Variants in HTR1D observed in about 807,000 individuals in gnomAD.
The protein encoded by HTR1D is 5-hydroxytryptamine receptor 1D, also known as 5-HT-1D.
Under a neutral mutation model 21.1 loss-of-function variants are expected in HTR1D, and 18 were observed. The observed-to-expected ratio is 0.85, with a 90% CI of 0.59 to 1.27. HTR1D has a LOEUF of 1.27. Among genes scored for constraint, HTR1D ranks in the 50% most tolerant of loss-of-function variants. The probability of loss-of-function intolerance (pLI) is 0.00; values close to 1 mark genes in which losing one functional copy is unlikely to be tolerated. For missense variants in HTR1D, 456 were observed against 481.4 expected, an observed-to-expected ratio of 0.95 and a Z score of 0.49; for synonymous variants, 196 against 204.4, an observed-to-expected ratio of 0.96 and a Z score of 0.35.
chr1:23,198,888 G>A (rs1644699550), intron 1 of HTR1D, among the ~76,000 whole-genome samples: 1 of 152,136 alleles, frequency 6.6e-6, no homozygotes, highest in African/African-American at 2.4e-5. Flanking sequence ...ATCATAAAGG[G>A]TTTTAAAAGT....
chr1:23,205,353 T>C (rs1216238308), intron 1 of HTR1D, among the ~76,000 whole-genome samples: 2 of 152,110 alleles, frequency 1.3e-5, no homozygotes. Flanking sequence ...AACTTATTCA[T>C]GTAACCAAAT....
In HTR1D at chr1:23,193,196, T is replaced by A. The variant is rs748329461; in HGVS notation, c.1024A>T (p.Thr342Ser). Residue 342 changes from threonine (T) to serine (S), a missense_variant, in exon 2 of 2, where the codon ACC becomes TCC. By Grantham distance (58) the Thr-to-Ser change is moderately conservative. Coordinates refer to ENST00000374619, the MANE Select transcript of HTR1D (RefSeq NM_000864.5). ...WIHPALFDFFTWLGYLNSLIN... is the reference protein window; with the variant it reads ...WIHPALFDFFSWLGYLNSLIN... The stretch of plus-strand genomic sequence containing the variant: ...AGGGAGTTTAAATAGCCTAGCCAGG[T>A]GAAGAAGTCAAAGAGCGCCGGGTGG... 1 of 1,613,908 alleles carries A rather than the reference T, an allele frequency of 6.2e-7. No homozygotes were observed.
At chr1:23,209,782 C>T (rs962255650) in intron 1 of HTR1D, among the ~76,000 whole-genome samples, 2 of 152,078 alleles carry the variant, frequency 1.3e-5, no homozygotes, top group African/African-American at 2.4e-5. Context: ...TGGGCTTGCC[C>T]GACTCCATGC....
In HTR1D at chr1:23,193,580, T is replaced by C. The variant is rs745440567; in HGVS notation, c.640A>G (p.Ile214Val). ...GAFYIPSVLL[I>V]ILYGRIYRAA... ...CGGTAGATCCGGCCATATAGGATGA[T>C]GAGCAACACCGAGGGAATGTAGAAG... is the stretch of plus-strand genomic sequence containing the variant. The change falls in exon 2 of 2, where the codon ATC (isoleucine) becomes GTC (valine). Residue 214 changes from isoleucine (I) to valine (V), a missense_variant. Physicochemically the swap from Ile to Val is conservative, Grantham distance 29 (BLOSUM62 3). Coordinates refer to ENST00000374619, the MANE Select transcript of HTR1D (RefSeq NM_000864.5). 1 of 1,614,046 alleles carries C rather than the reference T, an allele frequency of 6.2e-7. No homozygotes were observed. The highest frequency in any genetic ancestry group is 1.3e-5 in the African/African-American group (1 of 75,040).
intron 1 of HTR1D, among the ~76,000 whole-genome samples, chr1:23,210,071 G>A (rs1209590145): frequency 6.6e-6 from 1 of 152,012 alleles, no homozygotes; most frequent in Non-Finnish European, 1.5e-5. Flanking sequence ...GATTCTGTGG[G>A]TCTGCAGGGT....
rs991959754 is a variant in HTR1D at position 23,217,370 on chromosome 1, C to T, written c.-862G>A. Among the ~76,000 whole-genome samples, 1 of 151,924 alleles carries T rather than the reference C, an allele frequency of 6.6e-6. No homozygotes were observed. Among genetic ancestry groups the T allele is most frequent in the Non-Finnish European group, 1.5e-5 (1 of 67,894 alleles). On this transcript the variant is annotated 5_prime_UTR_variant, in exon 1 of 2. Coordinates refer to ENST00000374619, the MANE Select transcript of HTR1D (RefSeq NM_000864.5). This position sits in a 1 kb window ranked among gnomAD's most constrained non-coding sequence, Gnocchi z 4.6. ...TCGCGCGGCGTCTCCCCGTCGCGGC[C>T]GCCTTGTCTCCGCCGCGACCCCCGC...
chr1:23,215,013 G>A (rs114087177), intron 1 of HTR1D, among the ~76,000 whole-genome samples: 5,218 of 152,172 alleles, frequency 0.034, 355 homozygotes, highest in Admixed American at 0.16. Flanking sequence ...GAATGAAGCC[G>A]CAAAAAGATG....
At chr1:23,207,678 C>G (rs1644737307) in intron 1 of HTR1D, among the ~76,000 whole-genome samples, 1 of 152,108 alleles carries the variant, frequency 6.6e-6, no homozygotes, top group Non-Finnish European at 1.5e-5. Flanking sequence ...TGCTTTCAGC[C>G]TTGCACTGGA....
chr1:23,217,370 C>G lies in HTR1D; in HGVS notation c.-862G>C, dbSNP rs991959754. Reference sequence around the variant, plus strand: ...TCGCGCGGCGTCTCCCCGTCGCGGCCGCCTTGTCTCCGCCGCGACCCCCGC... The same window carrying G: ...TCGCGCGGCGTCTCCCCGTCGCGGCGGCCTTGTCTCCGCCGCGACCCCCGC... On this transcript the variant is annotated 5_prime_UTR_variant, in exon 1 of 2. Transcript: ENST00000374619. The surrounding 1 kb of genome is among the most constrained non-coding windows in gnomAD (Gnocchi z 4.6). 4.6e-5 allele frequency among the ~76,000 whole-genome samples: 7 copies of G among 151,816 alleles called. No individual in the cohort carries two copies. The highest frequency in any genetic ancestry group is 1.0e-4 in the Non-Finnish European group (7 of 67,904).
At chr1:23,196,298 G>A (rs1370840713) in intron 1 of HTR1D, among the ~76,000 whole-genome samples, 1 of 152,038 alleles carries the variant, frequency 6.6e-6, no homozygotes. Flanking sequence ...AACAAAATTA[G>A]CCATGCGTGG....
chr1:23,199,995 C>T (rs1366430142), intron 1 of HTR1D, among the ~76,000 whole-genome samples: 1 of 152,104 alleles, frequency 6.6e-6, no homozygotes, highest in African/African-American at 2.4e-5. Context: ...CATGAGCCAC[C>T]GTGCTCGGTA....
chr1:23,211,293 A>G (rs537735635), intron 1 of HTR1D, among the ~76,000 whole-genome samples: 26 of 152,288 alleles, frequency 1.7e-4, no homozygotes, highest in Non-Finnish European at 3.4e-4. Context: ...AGGAGGACTT[A>G]CAATGGCCCT....
intron 1 of HTR1D, among the ~76,000 whole-genome samples, chr1:23,204,195 G>A (rs897603750): frequency 1.3e-5 from 2 of 151,354 alleles, no homozygotes; most frequent in African/African-American, 2.4e-5. Context: ...GCACAATCTC[G>A]GCTCACTGCA....
intron 1 of HTR1D, among the ~76,000 whole-genome samples, chr1:23,215,108 C>A (rs1164164948): frequency 6.6e-6 from 1 of 152,160 alleles, no homozygotes; most frequent in African/African-American, 2.4e-5. Context: ...GTGTCAACTG[C>A]TGCTGAGAGC....
In HTR1D at chr1:23,194,456, G is replaced by A. The variant is rs1002270388; in HGVS notation, c.-237C>T. On this transcript the variant is annotated 5_prime_UTR_variant, in exon 2 of 2. Coordinates refer to ENST00000374619, the MANE Select transcript of HTR1D (RefSeq NM_000864.5). ...AACAAGACCGGACTATTTGAAGAATGCTGAGACAACTACCAGCTGGTAGTT... is the reference window on the plus strand; with the variant it reads ...AACAAGACCGGACTATTTGAAGAATACTGAGACAACTACCAGCTGGTAGTT... The A allele has an allele frequency of 7.2e-6, 2 of 279,596 alleles. No homozygotes were observed. The highest frequency in any genetic ancestry group is 4.5e-5 in the African/African-American group (2 of 44,866). The allele number at this position is 279,596 out of a possible 1,614,324, so 17.3% of individuals were successfully genotyped here. A position where few individuals can be genotyped will look rare whatever the true frequency, so the allele number is the denominator to read the frequency against.
chr1:23,200,089 C>T (rs1240741783), intron 1 of HTR1D, among the ~76,000 whole-genome samples: 1 of 152,100 alleles, frequency 6.6e-6, no homozygotes, highest in Non-Finnish European at 1.5e-5. Context: ...ACATTAATAC[C>T]TATTGATAAT....
intron 1 of HTR1D, among the ~76,000 whole-genome samples, chr1:23,207,215 T>G (rs1038219969): frequency 2.0e-5 from 3 of 151,928 alleles, no homozygotes; most frequent in African/African-American, 4.8e-5. Flanking sequence ...CTGGCCAACA[T>G]GGAGAAACCC....
At chr1:23,205,717 A>T (rs1644727470) in intron 1 of HTR1D, among the ~76,000 whole-genome samples, 1 of 151,252 alleles carries the variant, frequency 6.6e-6, no homozygotes, top group Non-Finnish European at 1.5e-5. Context: ...CTAGTTTTGT[A>T]TTTTTAGTAG....
At chr1:23,214,132 A>G (rs1379151574) in intron 1 of HTR1D, among the ~76,000 whole-genome samples, 1 of 152,140 alleles carries the variant, frequency 6.6e-6, no homozygotes, top group Non-Finnish European at 1.5e-5. Context: ...CCTCTTCTCC[A>G]TTTAAAGTTT....
Sources: gnomAD v4.1 joint callset for allele counts (sites outside exome capture counted in the v4.1 genomes callset) on GRCh38, gnomAD v4.1.1 for gene constraint, Gnocchi (gnomAD v3.1) non-coding constraint, MANE v1.5 for transcripts, NCBI Gene and HGNC (gene_info 2026-07-23, HGNC 2026-07-21) for gene names.